Variants in CHST9 observed in about 807,000 individuals in gnomAD.
The protein encoded by CHST9 is GalNAc-4-sulfotransferase 2.
In CHST9, 41 loss-of-function variants were observed where a neutral mutation model predicts 44.4. The observed-to-expected ratio is 0.92, with a 90% CI of 0.72 to 1.20. The LOEUF (loss-of-function observed/expected upper bound fraction) is 1.20. Ranked by LOEUF, CHST9 falls within the 50% of genes most tolerant of loss-of-function variation. The probability of loss-of-function intolerance (pLI) is 0.00; values close to 1 mark genes in which losing one functional copy is unlikely to be tolerated. For missense variants in CHST9, 504 were observed against 516.5 expected (o/e 0.98, Z 0.23); for synonymous variants, 171 against 178.4 (o/e 0.96, Z 0.33).
At chr18:27,140,023 T>C (rs1258775271) in intron 2 of CHST9, among the ~76,000 whole-genome samples, 1 of 152,202 alleles carries the variant, frequency 6.6e-6, no homozygotes, top group Non-Finnish European at 1.5e-5. Flanking sequence ...TAGGAAAACC[T>C]AGGTATGGGT....
intron 1 of CHST9, among the ~76,000 whole-genome samples, chr18:27,162,540 C>G (rs1172882753): frequency 6.6e-6 from 1 of 152,148 alleles, no homozygotes; most frequent in Non-Finnish European, 1.5e-5. Flanking sequence ...CTGCTCTTAA[C>G]ATTTTTTCCT....
At chr18:27,078,189 T>C (rs1433294322) in intron 2 of CHST9, among the ~76,000 whole-genome samples, 2 of 152,278 alleles carry the variant, frequency 1.3e-5, no homozygotes, top group Non-Finnish European at 2.9e-5. Context: ...TTTTATCCAT[T>C]ATTGTTTCTC....
rs1568151140 is a variant in CHST9 at position 27,053,256 on chromosome 18, A to AAGAAGAAGAAGGAGAAGG, written c.122-4754_122-4753insCCTTCTCCTTCTTCTTCT. 4.6e-4 allele frequency among the ~76,000 whole-genome samples: 37 copies of AAGAAGAAGAAGGAGAAGG among 80,552 alleles called. 1 individual carries two copies. Among genetic ancestry groups the AAGAAGAAGAAGGAGAAGG allele is most frequent in the South Asian group, 9.8e-4 (2 of 2,038 alleles). 52.8% of individuals were successfully genotyped at this position (80,552 alleles called of 152,430 possible). A position where few individuals can be genotyped will look rare whatever the true frequency, so the allele number is the denominator to read the frequency against. On this transcript the variant is annotated intron_variant, in intron 2 of 5. Transcript: ENST00000618847. ...GAAGAAGAAGAAGAAGAAGAAGAAGAAGAAGGAGAAGGAGAAGGAGAAGGA... is the reference window on the plus strand; with the variant it reads ...GAAGAAGAAGAAGAAGAAGAAGAAGAAGAAGAAGAAGGAGAAGGAGAAGGAGAAGGAGAAGGAGAAGGA...
intron 2 of CHST9, among the ~76,000 whole-genome samples, chr18:27,080,501 C>A (rs1342557139): frequency 1.3e-5 from 2 of 152,068 alleles, no homozygotes; most frequent in Admixed American, 6.5e-5. Context: ...TAAAACTCTT[C>A]CAACTTTTTT....
At chr18:27,013,725 T>C (rs535822491) in intron 4 of CHST9, among the ~76,000 whole-genome samples, 2 of 152,344 alleles carry the variant, frequency 1.3e-5, no homozygotes, top group East Asian at 3.8e-4. Context: ...ATACACATTT[T>C]GTTATGTCAC....
intron 2 of CHST9, among the ~76,000 whole-genome samples, chr18:27,097,058 C>T (rs1031666811): frequency 7.2e-5 from 11 of 152,064 alleles, no homozygotes; most frequent in African/African-American, 2.7e-4. Context: ...TTCAACAGCA[C>T]ATCAAAAAGT....
At chr18:27,054,510 G>A (rs1374297972) in intron 2 of CHST9, among the ~76,000 whole-genome samples, 1 of 152,114 alleles carries the variant, frequency 6.6e-6, no homozygotes, top group Admixed American at 6.6e-5. Context: ...GAACACTAAA[G>A]TTCCGCATCT....
rs1320294024 is a variant in CHST9 at position 26,910,545 on chromosome 18, G to A, written c.*5714C>T. On this transcript the variant is annotated 3_prime_UTR_variant, in exon 6 of 6. Coordinates refer to ENST00000618847, the MANE Select transcript of CHST9 (RefSeq NM_031422.6). ...ATCTAAAGGGACTGACCTTGCCTCT[G>A]TCCAACTATTTTCAGGTGGGCATAT... The A allele has an allele frequency of 6.6e-6, 1 of 152,186 alleles. No homozygotes were observed. The highest frequency in any genetic ancestry group is 2.4e-5 in the African/African-American group (1 of 41,452). 9.4% of individuals were successfully genotyped at this position (152,186 alleles called of 1,614,324 possible).
intron 5 of CHST9, chr18:26,928,216 T>C (rs1296667842): frequency 6.5e-6 from 1 of 153,386 alleles, no homozygotes; most frequent in Non-Finnish European, 1.4e-5. Flanking sequence ...AGTAACAGTC[T>C]GACTTCTCTT....
In CHST9 at chr18:27,012,882, C is replaced by A. The variant is rs566344595; in HGVS notation, c.202+11234G>T. On this transcript the variant is annotated intron_variant, in intron 4 of 5. Coordinates refer to ENST00000618847, the MANE Select transcript of CHST9 (RefSeq NM_031422.6). ...GTGGCCATCTGTCAACAAATGTAAA[C>A]TATGAAACTGGATATTAAATTATAT... is the stretch of plus-strand genomic sequence containing the variant. 5.7e-4 allele frequency among the ~76,000 whole-genome samples: 87 copies of A among 152,292 alleles called. 1 individual carries two copies. Among genetic ancestry groups the A allele is most frequent in the Non-Finnish European group, 8.2e-4 (56 of 68,024 alleles).
intron 3 of CHST9, among the ~76,000 whole-genome samples, chr18:27,036,449 C>T (rs183029583): frequency 6.6e-6 from 1 of 152,306 alleles, no homozygotes; most frequent in Non-Finnish European, 1.5e-5. Flanking sequence ...CCTAGAATTA[C>T]ATTACAGGGT....
intron 3 of CHST9, among the ~76,000 whole-genome samples, chr18:27,033,027 T>A (rs2057356932): frequency 6.6e-6 from 1 of 152,210 alleles, no homozygotes; most frequent in Non-Finnish European, 1.5e-5. Context: ...TCCACTATCA[T>A]CACACACTTT....
chr18:26,931,290 G>A (rs932169317), intron 5 of CHST9, among the ~76,000 whole-genome samples: 1 of 152,262 alleles, frequency 6.6e-6, no homozygotes, highest in East Asian at 1.9e-4. Context: ...TAGTATCACA[G>A]CTTATTAACT....
chr18:27,078,109 C>A (rs1038213923), intron 2 of CHST9, among the ~76,000 whole-genome samples: 1 of 152,142 alleles, frequency 6.6e-6, no homozygotes, highest in African/African-American at 2.4e-5. Flanking sequence ...CTGAGAATTA[C>A]AATTTGACTT....
intron 5 of CHST9, among the ~76,000 whole-genome samples, chr18:26,929,762 G>C (rs899686833): frequency 6.6e-6 from 1 of 152,200 alleles, no homozygotes; most frequent in East Asian, 1.9e-4. Flanking sequence ...GGAGGAGAGA[G>C]AGAGAGAGAT....
At chr18:27,000,501 C>A (rs533900402) in intron 4 of CHST9, among the ~76,000 whole-genome samples, 14 of 152,122 alleles carry the variant, frequency 9.2e-5, no homozygotes, top group Non-Finnish European at 1.8e-4. Flanking sequence ...ATTTGTCGGG[C>A]AAGTGATATG....
At chr18:27,011,550 G>A (rs946578779) in intron 4 of CHST9, among the ~76,000 whole-genome samples, 7 of 152,214 alleles carry the variant, frequency 4.6e-5, no homozygotes, top group African/African-American at 1.7e-4. Context: ...AATGAAGGCT[G>A]CTAGAATGAG....
At chr18:27,057,762 TCC>T (rs2057674374) in intron 2 of CHST9, among the ~76,000 whole-genome samples, 1 of 152,244 alleles carries the variant, frequency 6.6e-6, no homozygotes, top group Admixed American at 6.5e-5. Flanking sequence ...GGGTCTGCCA[TCC>T]GGCATAGCGT....
intron 2 of CHST9, among the ~76,000 whole-genome samples, chr18:27,067,467 A>C (rs2057794458): frequency 6.6e-6 from 1 of 152,252 alleles, no homozygotes; most frequent in South Asian, 2.1e-4. Context: ...TAAATAAATA[A>C]ATAAATAAAG....
Sources: allele counts gnomAD v4.1 joint callset (sites outside exome capture counted in the v4.1 genomes callset), GRCh38; gene constraint gnomAD v4.1.1; transcripts MANE v1.5; gene names NCBI Gene and HGNC (gene_info 2026-07-23, HGNC 2026-07-21).